SYCP3: variants seen among roughly 807,000 people sequenced by gnomAD.
SYCP3 encodes the protein synaptonemal complex protein 3.
A neutral mutation model predicts 38.5 loss-of-function variants in SYCP3; 29 were observed. The ratio of observed to expected loss-of-function variants is 0.75; its 90% CI spans 0.56 to 1.03. The LOEUF (loss-of-function observed/expected upper bound fraction) is 1.03, where lower values mean the gene tolerates loss of function less well. SYCP3 is among the 50% of genes least tolerant of loss of function. SYCP3 has a pLI of 0.00. For missense variants in SYCP3, 242 were observed against 270.7 expected (o/e 0.89, Z 0.74); for synonymous variants, 79 against 80.3 (o/e 0.98, Z 0.08).
chr12:101,732,664 TTTTC>T (rs1490285756), intron 6 of SYCP3: 6 of 147,724 alleles, frequency 4.1e-5, no homozygotes, highest in South Asian at 4.3e-4. Flanking sequence ...ATTTTTTCTT[TTTTC>T]TTTTTTTTTT....
At position 101,731,651 on chromosome 12, in the gene SYCP3, G is replaced by T; in HGVS notation, c.469C>A (p.Gln157Lys). ...CTAGATTGTTGAAGAATCTTTTGTT[G>T]CTGTCGAAACATATTCTACAAATAT... The part of the protein sequence containing the change: ...EEKILNMFRQ[Q>K]QKILQQSRIV... Residue 157 changes from glutamine (Q) to lysine (K), a missense_variant, in exon 7 of 9, where the codon CAA (glutamine) becomes AAA (lysine). Gln to Lys is a moderately conservative substitution (Grantham distance 53, BLOSUM62 1). Transcript: ENST00000392924. 6.3e-7 allele frequency: 1 copy of T among 1,599,068 alleles called. No homozygotes were observed.
intron 7 of SYCP3, among the ~76,000 whole-genome samples, chr12:101,729,886 A>C (rs1435880449): frequency 3.9e-5 from 6 of 152,214 alleles, no homozygotes; most frequent in Admixed American, 3.9e-4. Context: ...ATTTCAATAG[A>C]TAAAGAAAAA....
chr12:101,730,186 AAAT>A (rs1181467066), intron 7 of SYCP3, among the ~76,000 whole-genome samples: 1 of 152,188 alleles, frequency 6.6e-6, no homozygotes, highest in Non-Finnish European at 1.5e-5. Context: ...TGGTACAAGC[AAAT>A]AATAATGAGG....
chr12:101,734,958 C>A lies in SYCP3; in HGVS notation c.322G>T (p.Glu108Ter). ...TCTTGTTGTGTTTTCCAAACATGTTCAATTTTCTGGTTACTAGTTTTGAGA... is the reference window on the plus strand; with the variant it reads ...TCTTGTTGTGTTTTCCAAACATGTTAAATTTTCTGGTTACTAGTTTTGAGA... ...ASLKTSNQKI[E>*]HVWKTQQDQR... The change falls in exon 5 of 9, where the codon GAA becomes TAA. Residue 108 changes from glutamate to a stop codon, truncating the protein, a stop_gained. Coordinates refer to ENST00000392924, the MANE Select transcript of SYCP3 (RefSeq NM_001177949.2). LOFTEE classifies it high-confidence loss of function. 1 of 1,613,190 alleles carries A rather than the reference C, an allele frequency of 6.2e-7. No homozygotes were observed. The highest frequency in any genetic ancestry group is 1.1e-5 in the South Asian group (1 of 91,000).
At chr12:101,734,032 T>C (rs1766655813) in intron 5 of SYCP3, among the ~76,000 whole-genome samples, 1 of 152,194 alleles carries the variant, frequency 6.6e-6, no homozygotes, top group Non-Finnish European at 1.5e-5. Flanking sequence ...AATAAGGTGA[T>C]TGTATTTATC....
intron 2 of SYCP3, 190 bp downstream of exon 2, chr12:101,737,612 GC>G: frequency 1.3e-6 from 1 of 765,812 alleles, no homozygotes; most frequent in Non-Finnish European, 2.1e-6. Flanking sequence ...CTCCGATACT[GC>G]AATATAAGGA....
At chr12:101,736,917 T>C in intron 4 of SYCP3, 120 bp downstream of exon 4, 1 of 902,552 alleles carries the variant, frequency 1.1e-6, no homozygotes, top group Non-Finnish European at 1.7e-6. Flanking sequence ...ATGCAGAATC[T>C]TCTATGTGAG....
chr12:101,730,071 GCTA>G (rs1952116297), intron 7 of SYCP3, among the ~76,000 whole-genome samples: 1 of 152,024 alleles, frequency 6.6e-6, no homozygotes, highest in African/African-American at 2.4e-5. Context: ...AGAACAGGAG[GCTA>G]CTGACAGTTT....
Position 101,739,433 on chromosome 12 carries a change from C to G in SYCP3, c.-100G>C, listed in dbSNP as rs903874376. The G allele has an allele frequency of 2.1e-5, 21 of 1,002,584 alleles. No individual in the cohort carries two copies. In the African/African-American group the frequency reaches 3.5e-4, roughly 17 times the overall value. 62.1% of individuals were successfully genotyped at this position (1,002,584 alleles called of 1,614,324 possible). A position where few individuals can be genotyped will look rare whatever the true frequency, so the allele number is the denominator to read the frequency against. On this transcript the variant is annotated 5_prime_UTR_variant, in exon 1 of 9. Coordinates refer to ENST00000392924, the MANE Select transcript of SYCP3 (RefSeq NM_001177949.2). Reference sequence around the variant, plus strand: ...CAACTCCTCCACAAGCGCGCTTCACCTGAGGTGGCCCCTTCTCCGCGACGC... The same window carrying G: ...CAACTCCTCCACAAGCGCGCTTCACGTGAGGTGGCCCCTTCTCCGCGACGC...
In SYCP3 at chr12:101,731,572, A is replaced by G. The variant is rs1267318358; in HGVS notation, c.548T>C (p.Ile183Thr). Reference sequence around the variant, plus strand: ...GTGTTACCACATACAACAAACCTTTATGAACTGCTCATATAACTGTTTAAT... The same window carrying G: ...GTGTTACCACATACAACAAACCTTTGTGAACTGCTCATATAACTGTTTAAT... ...KTIKQLYEQF[I>T]KSMEELEKNH... The change falls in exon 7 of 9, where the codon ATA (isoleucine) becomes ACA (threonine). Residue 183 changes from isoleucine (I) to threonine (T), a missense_variant. Ile to Thr is a moderately conservative substitution (Grantham distance 89). Transcript: ENST00000392924. The G allele has an allele frequency of 1.3e-6, 2 of 1,599,480 alleles. No individual in the cohort carries two copies. The highest frequency in any genetic ancestry group is 1.7e-5 in the Admixed American group (1 of 58,680).
intron 7 of SYCP3, 82 bp from the exon 8 acceptor site, chr12:101,729,295 G>GT (rs774596237): frequency 1.8e-4 from 240 of 1,350,424 alleles, no homozygotes; most frequent in Non-Finnish European, 2.4e-4. Flanking sequence ...ATTTTCAAAA[G>GT]TAGTAATTTT....
chr12:101,731,307 G>A lies in SYCP3; in HGVS notation c.552+261C>T, dbSNP rs537677326. Among the ~76,000 whole-genome samples, 121 of 152,132 alleles carry A rather than the reference G, an allele frequency of 8.0e-4. 1 individual carries two copies. In the South Asian group the frequency reaches 0.011, roughly 14 times the overall value. The stretch of plus-strand genomic sequence containing the variant: ...GAACTATGACTGAAGTGTTATTAAA[G>A]TATGGATTTTATGCATGATAAGTAT... On this transcript the variant is annotated intron_variant, in intron 7 of 8. Coordinates refer to ENST00000392924, the MANE Select transcript of SYCP3 (RefSeq NM_001177949.2).
chr12:101,728,874 AC>A lies in SYCP3; in HGVS notation c.*52del. The A allele has an allele frequency of 6.2e-7, 1 of 1,611,218 alleles. No individual in the cohort carries two copies. The highest frequency in any genetic ancestry group is 8.5e-7 in the Non-Finnish European group (1 of 1,178,138). On this transcript the variant is annotated 3_prime_UTR_variant, in exon 9 of 9. Transcript: ENST00000392924. ...AGACTTACAATATGCTTCTTAGCTA[AC>A]GTTATAATTGTATCATATTACTTAG...
intron 4 of SYCP3, among the ~76,000 whole-genome samples, chr12:101,736,679 C>T (rs1039925640): frequency 1.3e-5 from 2 of 149,542 alleles, no homozygotes; most frequent in Non-Finnish European, 3.0e-5. Flanking sequence ...AAATGAAAAA[C>T]TTATATACAA....
intron 1 of SYCP3, among the ~76,000 whole-genome samples, chr12:101,738,482 A>G (rs1952559986): frequency 6.6e-6 from 1 of 151,384 alleles, no homozygotes; most frequent in Non-Finnish European, 1.5e-5. Flanking sequence ...CATGCCTGTA[A>G]TCCCATCACT....
intron 6 of SYCP3, chr12:101,732,667 T>A (rs1029226840): frequency 6.7e-6 from 1 of 149,438 alleles, no homozygotes; most frequent in Non-Finnish European, 1.5e-5. Flanking sequence ...TTTTCTTTTT[T>A]CTTTTTTTTT....
At position 101,737,819 on chromosome 12, in the gene SYCP3, C is replaced by T. The variant is rs770889166; in HGVS notation, c.117G>A (p.Glu39=). 3.7e-6 allele frequency: 6 copies of T among 1,614,070 alleles called. No homozygotes were observed. The African/African-American group carries it at 4.0e-5, about 11-fold the overall frequency. ...GTACTGCACCTTCAATAACATCTTC[C>T]TCTGATCCACTCAGATCTTTCTTAT... ...TEDKKDLSGS[E]EDVIEGKTAV... The change falls in exon 2 of 9, where the codon GAG becomes GAA. Residue 39 remains glutamate (E), a synonymous_variant. Coordinates refer to ENST00000392924, the MANE Select transcript of SYCP3 (RefSeq NM_001177949.2).
intron 6 of SYCP3, chr12:101,732,325 TG>T (rs1036525571): frequency 6.6e-6 from 1 of 152,280 alleles, no homozygotes; most frequent in Non-Finnish European, 1.5e-5. Flanking sequence ...AATCTATCAG[TG>T]CCACAAATCC....
At chr12:101,730,938 T>C (rs1411145361) in intron 7 of SYCP3, among the ~76,000 whole-genome samples, 1 of 152,174 alleles carries the variant, frequency 6.6e-6, no homozygotes, top group African/African-American at 2.4e-5. Flanking sequence ...AAGATTCCAT[T>C]GAGCTTCTAT....
Sources: gnomAD v4.1 joint callset for allele counts (sites outside exome capture counted in the v4.1 genomes callset) on GRCh38, gnomAD v4.1.1 for gene constraint, MANE v1.5 for transcripts, NCBI Gene and HGNC (gene_info 2026-07-23, HGNC 2026-07-21) for gene names.